The following ARHGEF12 variants were observed in gnomAD, a reference collection of about 807,000 sequenced individuals.
The protein encoded by ARHGEF12 is KMT2A/ARHGEF12 fusion protein.
A neutral mutation model predicts 211.2 loss-of-function variants in ARHGEF12; 66 were observed. The ratio of observed to expected loss-of-function variants is 0.31; its 90% CI spans 0.26 to 0.38. The LOEUF is 0.38. Ranked by LOEUF, ARHGEF12 falls within the 10% of genes least tolerant of loss-of-function variation. The probability of loss-of-function intolerance (pLI) is 1.00; values close to 1 mark genes in which losing one functional copy is unlikely to be tolerated. For synonymous variants in ARHGEF12, 592 were observed against 638.4 expected, an observed-to-expected ratio of 0.93 and a Z score of 1.09; for missense variants, 1,429 against 1,869.5, an observed-to-expected ratio of 0.76 and a Z score of 4.34.
chr11:120,447,897 A>C lies in ARHGEF12; in HGVS notation c.1613A>C (p.Glu538Ala). ...AGGATGACTGCTCAGGCTGTAGAGGAAGATAAGAGGTAACATAACTGTTTT... is the reference window on the plus strand; with the variant it reads ...AGGATGACTGCTCAGGCTGTAGAGGCAGATAAGAGGTAACATAACTGTTTT... Reference protein sequence around the residue: ...EVLMTAQAVEEDKSSTMQYVI... With the variant: ...EVLMTAQAVEADKSSTMQYVI... Residue 538 changes from glutamate to alanine, a missense_variant, in exon 19 of 41, where the codon GAA becomes GCA. Coordinates refer to ENST00000397843, the MANE Select transcript of ARHGEF12 (RefSeq NM_015313.3). The C allele has an allele frequency of 6.4e-7, 1 of 1,569,820 alleles. No individual in the cohort carries two copies. The highest frequency in any genetic ancestry group is 8.6e-7 in the Non-Finnish European group (1 of 1,164,028).
intron 11 of ARHGEF12, among the ~76,000 whole-genome samples, chr11:120,435,086 C>T (rs1945654740): frequency 6.6e-6 from 1 of 152,022 alleles, no homozygotes; most frequent in Non-Finnish European, 1.5e-5. Context: ...TTATAATGAT[C>T]TTTTTACAGT....
chr11:120,472,411 A>G (rs1946895428), intron 30 of ARHGEF12, among the ~76,000 whole-genome samples: 3 of 152,168 alleles, frequency 2.0e-5, no homozygotes, highest in Admixed American at 2.0e-4. Flanking sequence ...GGGCAATAGG[A>G]CAAGGTTAGA....
chr11:120,478,169 A>G lies in ARHGEF12; in HGVS notation c.3546A>G (p.Gly1182=), dbSNP rs775541552. ...TGLQSPDRDL[G]LESTLISSKP... is the part of the protein sequence containing the mutation. ...TCCATTGGACAGACAGAGATTTGGG[A>G]TTAGAATCTACCTTAATATCGTCAA... Residue 1182 remains glycine (G), a synonymous_variant, in exon 37 of 41, where the codon GGA becomes GGG. Coordinates refer to ENST00000397843, the MANE Select transcript of ARHGEF12 (RefSeq NM_015313.3). 9 of 1,612,228 alleles carry G rather than the reference A, an allele frequency of 5.6e-6. No homozygotes were observed. In the Admixed American group the frequency reaches 1.5e-4, roughly 27 times the overall value.
chr11:120,336,634 C>T lies in ARHGEF12; in HGVS notation c.-610C>T, dbSNP rs943535866. 2.0e-5 allele frequency among the ~76,000 whole-genome samples: 3 copies of T among 152,114 alleles called. No individual in the cohort carries two copies. Among genetic ancestry groups the T allele is most frequent in the Non-Finnish European group, 2.9e-5 (2 of 68,000 alleles). On this transcript the variant is annotated 5_prime_UTR_variant, in exon 1 of 41. Transcript: ENST00000397843. ...TCCCTGTCACCTCGGGCCGCGGGAC[C>T]TCTCCGCCGGCGCCAGCGGCTCGTC...
chr11:120,445,968 G>T (rs1321143770), intron 16 of ARHGEF12, among the ~76,000 whole-genome samples: 2 of 151,918 alleles, frequency 1.3e-5, no homozygotes, highest in African/African-American at 4.8e-5. Context: ...TTGGGAGGCC[G>T]AGGCGGGTGG....
At position 120,485,719 on chromosome 11, in the gene ARHGEF12, T is replaced by G. The variant is rs1176586819; in HGVS notation, c.*642T>G. 2 of 233,614 alleles carry G rather than the reference T, an allele frequency of 8.6e-6. No individual in the cohort carries two copies. Among genetic ancestry groups the G allele is most frequent in the African/African-American group, 4.4e-5 (2 of 45,348 alleles). The allele number at this position is 233,614 out of a possible 1,614,324, so 14.5% of individuals were successfully genotyped here. A position where few individuals can be genotyped will look rare whatever the true frequency, so the allele number is the denominator to read the frequency against. ...AAGGTATGCTATGCCGTGTGGCTCT[T>G]ATGTGCCCAGGTGGTGTGGTCAGAG... is the stretch of plus-strand genomic sequence containing the variant. On this transcript the variant is annotated 3_prime_UTR_variant, in exon 41 of 41. Transcript: ENST00000397843.
At chr11:120,357,424 C>T (rs1943160545) in intron 1 of ARHGEF12, among the ~76,000 whole-genome samples, 1 of 152,158 alleles carries the variant, frequency 6.6e-6, no homozygotes, top group Non-Finnish European at 1.5e-5. Flanking sequence ...GCACAGGGCA[C>T]AGTGGAGACT....
chr11:120,376,883 G>A (rs998467157), intron 1 of ARHGEF12, among the ~76,000 whole-genome samples: 3 of 152,086 alleles, frequency 2.0e-5, no homozygotes, highest in Admixed American at 1.3e-4. Context: ...ATGAATGAGA[G>A]CATGTGAAGT....
chr11:120,346,929 C>G (rs1942746027), intron 1 of ARHGEF12, among the ~76,000 whole-genome samples: 1 of 152,188 alleles, frequency 6.6e-6, no homozygotes, highest in Non-Finnish European at 1.5e-5. Flanking sequence ...GAACGTGTGA[C>G]TTCTCATAGT....
intron 1 of ARHGEF12, among the ~76,000 whole-genome samples, chr11:120,404,498 TATG>T (rs1271215003): frequency 6.6e-6 from 1 of 152,242 alleles, no homozygotes; most frequent in East Asian, 1.9e-4. Context: ...GTAAGTAGAT[TATG>T]ATAAGCAAGT....
At chr11:120,414,714 T>C (rs1394187700) in intron 4 of ARHGEF12, among the ~76,000 whole-genome samples, 2 of 152,212 alleles carry the variant, frequency 1.3e-5, no homozygotes, top group Non-Finnish European at 2.9e-5. Flanking sequence ...GAAGAAGTAT[T>C]ACTAGGACTA....
At chr11:120,435,160 CTTTATAA>C (rs1945656129) in intron 11 of ARHGEF12, among the ~76,000 whole-genome samples, 1 of 151,984 alleles carries the variant, frequency 6.6e-6, no homozygotes, top group Non-Finnish European at 1.5e-5. Context: ...CATTTTAAGT[CTTTATAA>C]TTTATAATAG....
intron 4 of ARHGEF12, 73 bp downstream of exon 4, chr11:120,409,523 TC>T (rs1944819102): frequency 6.9e-7 from 1 of 1,451,880 alleles, no homozygotes; most frequent in East Asian, 2.3e-5. Context: ...GTTCTTTTTT[TC>T]CTTTCTTTCT....
chr11:120,484,470 A>G lies in ARHGEF12; in HGVS notation c.4587A>G (p.Gln1529=). ...AGGAAAGTTACACCATTCTTTGCCAAAGGCTGGCTGGATCAGCCCTCACAG... is the reference window on the plus strand; with the variant it reads ...AGGAAAGTTACACCATTCTTTGCCAGAGGCTGGCTGGATCAGCCCTCACAG... The part of the protein sequence containing the change: ...KVEESYTILC[Q]RLAGSALTDK... Residue 1529 remains glutamine, a synonymous_variant, in exon 40 of 41, where the codon CAA becomes CAG. Coordinates refer to ENST00000397843, the MANE Select transcript of ARHGEF12 (RefSeq NM_015313.3). 6.2e-7 allele frequency: 1 copy of G among 1,614,144 alleles called. No homozygotes were observed. Among genetic ancestry groups the G allele is most frequent in the African/African-American group, 1.3e-5 (1 of 75,062 alleles).
intron 1 of ARHGEF12, among the ~76,000 whole-genome samples, chr11:120,347,578 T>C (rs1942806451): frequency 6.6e-6 from 1 of 152,190 alleles, no homozygotes; most frequent in Non-Finnish European, 1.5e-5. Context: ...TCTAAGATGA[T>C]ATAAAAGTAA....
chr11:120,392,260 T>A (rs1288311523), intron 1 of ARHGEF12, among the ~76,000 whole-genome samples: 4 of 152,244 alleles, frequency 2.6e-5, no homozygotes, highest in Non-Finnish European at 5.9e-5. Context: ...CATGGCTGGC[T>A]CCTTCATTTA....
Position 120,481,365 on chromosome 11 carries a change from T to G in ARHGEF12, c.4343T>G (p.Val1448Gly). The change falls in exon 39 of 41, where the codon GTG becomes GGG. Residue 1448 changes from valine to glycine, a missense_variant. Coordinates refer to ENST00000397843, the MANE Select transcript of ARHGEF12 (RefSeq NM_015313.3). ...CAGCCCATGACAGGCATCCCTGCTG[T>G]GGAATCCACCCACCAGCAGCAACAT... ...TLQPMTGIPA[V>G]ESTHQQQHSP... 6.2e-7 allele frequency: 1 copy of G among 1,614,172 alleles called. No homozygotes were observed. The highest frequency in any genetic ancestry group is 1.6e-4 in the Middle Eastern group (1 of 6,062).
chr11:120,477,887 A>AG lies in ARHGEF12; in HGVS notation c.3533-269_3533-268insG, dbSNP rs200747500. On this transcript the variant is annotated intron_variant, in intron 36 of 40. Transcript: ENST00000397843. ...CAAAAAAAAAAAAGAAAAAAAGAAA[A>AG]AAAAGAAAATAAAATAAAATGCAAA... Among the ~76,000 whole-genome samples the AG allele has an allele frequency of 7.8e-3, 1,173 of 150,540 alleles. 60 individuals carry two copies. In the South Asian group the frequency reaches 0.14, roughly 18 times the overall value.
At chr11:120,362,347 A>G (rs1479628936) in intron 1 of ARHGEF12, among the ~76,000 whole-genome samples, 1 of 152,204 alleles carries the variant, frequency 6.6e-6, no homozygotes, top group African/African-American at 2.4e-5. Flanking sequence ...CCTCAATTTA[A>G]TGGACTCACT....
Sources: gnomAD v4.1 joint callset for allele counts (sites outside exome capture counted in the v4.1 genomes callset) on GRCh38, gnomAD v4.1.1 for gene constraint, MANE v1.5 for transcripts, NCBI Gene and HGNC (gene_info 2026-07-23, HGNC 2026-07-21) for gene names.